The following EPHA6 variants were observed in gnomAD, a reference collection of about 807,000 sequenced individuals.
EPHA6 encodes ephrin type-A receptor 6.
EPHA6 carries 50 observed loss-of-function variants against 112.0 expected under a neutral mutation model. The observed-to-expected ratio is 0.45, with a 90% CI of 0.36 to 0.56. The LOEUF (loss-of-function observed/expected upper bound fraction) is 0.56, where lower values mean the gene tolerates loss of function less well. EPHA6 is among the 20% of genes least tolerant of loss of function. The pLI is 0.00. For missense variants in EPHA6, 1,280 were observed against 1,417.4 expected, an observed-to-expected ratio of 0.90 and a Z score of 1.56; for synonymous variants, 529 against 490.7, an observed-to-expected ratio of 1.08 and a Z score of -1.03.
chr3:97,478,443 A>G (rs2107473057), intron 8 of EPHA6, among the ~76,000 whole-genome samples: 1 of 152,216 alleles, frequency 6.6e-6, no homozygotes, highest in South Asian at 2.1e-4. Flanking sequence ...TAGATATACC[A>G]CTTCAAAGGA....
chr3:96,879,556 A>G (rs1414345178), intron 2 of EPHA6, among the ~76,000 whole-genome samples: 3 of 152,010 alleles, frequency 2.0e-5, no homozygotes, highest in Non-Finnish European at 4.4e-5. Flanking sequence ...GACTATGGTT[A>G]CAATAATATT....
At chr3:97,627,659 G>A (rs1185593610) in intron 13 of EPHA6, among the ~76,000 whole-genome samples, 1 of 151,670 alleles carries the variant, frequency 6.6e-6, no homozygotes, top group Non-Finnish European at 1.5e-5. Flanking sequence ...TCTGCAGTTA[G>A]AATAATAAAA....
intron 1 of EPHA6, among the ~76,000 whole-genome samples, chr3:96,846,243 C>T (rs1309182674): frequency 6.6e-6 from 1 of 152,012 alleles, no homozygotes; most frequent in South Asian, 2.1e-4. Flanking sequence ...TGTCCCATAG[C>T]GGTAATTCTC....
At chr3:96,904,570 C>T (rs1002039939) in intron 2 of EPHA6, among the ~76,000 whole-genome samples, 3 of 151,194 alleles carry the variant, frequency 2.0e-5, no homozygotes, top group African/African-American at 7.3e-5. Flanking sequence ...AACTAACCTG[C>T]ACATTGTGCA....
At position 96,985,564 on chromosome 3, in the gene EPHA6, A is replaced by G. The variant is rs998580995; in HGVS notation, c.451-1766A>G. ...GATGAAAGGCATTTAGATGGGAAAT[A>G]TCATGTATATTCCCATGAGATTTTT... On this transcript the variant is annotated intron_variant, in intron 2 of 17. Coordinates refer to ENST00000389672, the MANE Select transcript of EPHA6 (RefSeq NM_001080448.3). Among the ~76,000 whole-genome samples the G allele has an allele frequency of 2.0e-5, 3 of 152,324 alleles. No homozygotes were observed. In the East Asian group the frequency reaches 5.8e-4, roughly 29 times the overall value.
chr3:96,993,564 C>T (rs1404776594), intron 3 of EPHA6, among the ~76,000 whole-genome samples: 1 of 152,090 alleles, frequency 6.6e-6, no homozygotes, highest in Non-Finnish European at 1.5e-5. Flanking sequence ...TTCATTTCCT[C>T]ATTCCAGACA....
chr3:97,391,386 C>A (rs2086386824), intron 5 of EPHA6, among the ~76,000 whole-genome samples: 1 of 151,956 alleles, frequency 6.6e-6, no homozygotes, highest in Admixed American at 6.6e-5. Flanking sequence ...TTAAATTTAG[C>A]ACCGTTGGTA....
intron 3 of EPHA6, among the ~76,000 whole-genome samples, chr3:97,009,320 G>A (rs1250249895): frequency 1.3e-5 from 2 of 152,200 alleles, no homozygotes; most frequent in Non-Finnish European, 2.9e-5. Context: ...AGTTACTGGA[G>A]ATCCTGCAGG....
chr3:97,378,830 T>C (rs1248302315), intron 5 of EPHA6, among the ~76,000 whole-genome samples: 1 of 152,192 alleles, frequency 6.6e-6, no homozygotes, highest in African/African-American at 2.4e-5. Flanking sequence ...AGGAAGTAAC[T>C]AGCTTGCTTT....
intron 14 of EPHA6, among the ~76,000 whole-genome samples, chr3:97,642,064 T>C (rs1205404421): frequency 6.8e-6 from 1 of 146,600 alleles, no homozygotes; most frequent in East Asian, 2.0e-4. Context: ...CAGAGAGCAG[T>C]GGTTCTCCCA....
intron 14 of EPHA6, among the ~76,000 whole-genome samples, chr3:97,699,081 A>G (rs1170145651): frequency 1.3e-5 from 2 of 152,194 alleles, no homozygotes; most frequent in Admixed American, 6.5e-5. Context: ...AGAAGCATTA[A>G]TCACTGTAAA....
At chr3:97,298,517 A>T (rs931173926) in intron 5 of EPHA6, among the ~76,000 whole-genome samples, 1 of 152,194 alleles carries the variant, frequency 6.6e-6, no homozygotes, top group African/African-American at 2.4e-5. Flanking sequence ...TTACTTTTAA[A>T]AAAGGAACTA....
Position 97,483,763 on chromosome 3 carries a change from T to C in EPHA6, c.2075-171T>C, listed in dbSNP as rs183264814. Among the ~76,000 whole-genome samples, 626 of 152,280 alleles carry C rather than the reference T, an allele frequency of 4.1e-3. 4 individuals carry two copies. Among genetic ancestry groups the C allele is most frequent in the African/African-American group, 0.014 (568 of 41,548 alleles). On this transcript the variant is annotated intron_variant, in intron 9 of 17. Transcript: ENST00000389672. Reference sequence around the variant, plus strand: ...CTACATTAACAGTGAGGTAAATAAATTTTTGACCCTCGTAGTCAAAGCTTT... The same window carrying C: ...CTACATTAACAGTGAGGTAAATAAACTTTTGACCCTCGTAGTCAAAGCTTT...
At chr3:96,818,206 G>A (rs976380564) in intron 1 of EPHA6, among the ~76,000 whole-genome samples, 12 of 151,908 alleles carry the variant, frequency 7.9e-5, no homozygotes, top group African/African-American at 2.7e-4. Flanking sequence ...CTTGCTTCAT[G>A]TATAAGTTAA....
intron 5 of EPHA6, among the ~76,000 whole-genome samples, chr3:97,278,364 T>C (rs1453618622): frequency 6.6e-6 from 1 of 152,262 alleles, no homozygotes; most frequent in Non-Finnish European, 1.5e-5. Context: ...TTTTCATTGA[T>C]AACTAATTGT....
At position 97,232,578 on chromosome 3, in the gene EPHA6, G is replaced by A. The variant is rs544315187; in HGVS notation, c.1270+6159G>A. On this transcript the variant is annotated intron_variant, in intron 4 of 17. Transcript: ENST00000389672. ...GTGGCAAATCTAACAGGCCTGCAGC[G>A]ACTTGATTCCTACCTCCTCATAGGA... 5.3e-5 allele frequency among the ~76,000 whole-genome samples: 8 copies of A among 152,240 alleles called. No individual in the cohort carries two copies. In the East Asian group the frequency reaches 7.7e-4, roughly 15 times the overall value.
rs2033640093 is a variant in EPHA6, at chr3:96,826,066, T to A, written c.385+11058T>A. Among the ~76,000 whole-genome samples the A allele has an allele frequency of 2.6e-5, 4 of 151,998 alleles. No individual in the cohort carries two copies. In the South Asian group the frequency reaches 6.2e-4, roughly 24 times the overall value. ...CATTTTTAAATTGTGAAAATAAATA[T>A]TTTTATAAGGTTAGATTAATATATT... On this transcript the variant is annotated intron_variant, in intron 1 of 17. Coordinates refer to ENST00000389672, the MANE Select transcript of EPHA6 (RefSeq NM_001080448.3).
At chr3:97,256,128 A>G (rs902399903) in intron 5 of EPHA6, among the ~76,000 whole-genome samples, 3 of 152,116 alleles carry the variant, frequency 2.0e-5, no homozygotes, top group Non-Finnish European at 4.4e-5. Flanking sequence ...TTCTACTGCA[A>G]TCTAGAACTG....
intron 14 of EPHA6, among the ~76,000 whole-genome samples, chr3:97,671,584 A>G (rs918976554): frequency 6.6e-6 from 1 of 152,212 alleles, no homozygotes; most frequent in Non-Finnish European, 1.5e-5. Flanking sequence ...GAAGTCAAAC[A>G]TAATATGCTT....
Sources: gnomAD v4.1 joint callset for allele counts (sites outside exome capture counted in the v4.1 genomes callset) on GRCh38, gnomAD v4.1.1 for gene constraint, MANE v1.5 for transcripts, NCBI Gene and HGNC (gene_info 2026-07-23, HGNC 2026-07-21) for gene names.